CLCN4: variants seen among roughly 807,000 people sequenced by gnomAD.
CLCN4 encodes the protein Cl-/H+ antiporter 4.
CLCN4 carries 1 observed loss-of-function variant against 41.7 expected under a neutral mutation model. The ratio of observed to expected loss-of-function variants is 0.02; its 90% CI spans 0.01 to 0.11. CLCN4 has a LOEUF of 0.11. Ranked by LOEUF, CLCN4 falls within the 10% of genes least tolerant of loss-of-function variation. The pLI is 1.00. For missense variants in CLCN4, 287 were observed against 661.0 expected (o/e 0.43, Z 6.20); for synonymous variants, 277 against 285.8 (o/e 0.97, Z 0.31).
At chrX:10,229,223 C>T (rs941411872) in intron 12 of CLCN4, among the ~76,000 whole-genome samples, 1 of 110,820 alleles carries the variant, frequency 9.0e-6, no homozygotes, top group Non-Finnish European at 1.9e-5. Flanking sequence ...AGTAACAAAG[C>T]CGCCTTTCCT....
At chrX:10,201,602 C>G (rs1210436594) in intron 6 of CLCN4, among the ~76,000 whole-genome samples, 1 of 112,376 alleles carries the variant, frequency 8.9e-6, no homozygotes, top group African/African-American at 3.2e-5. Flanking sequence ...TTCATTCATT[C>G]TAGCAAAGAT....
chrX:10,164,309 G>A (rs929710595), intron 2 of CLCN4, among the ~76,000 whole-genome samples: 1 of 111,478 alleles, frequency 9.0e-6, no homozygotes, highest in Non-Finnish European at 1.9e-5. Flanking sequence ...CAGGGAGATC[G>A]GCGTGTGCAA....
chrX:10,190,630 A>G (rs1347797227), intron 4 of CLCN4, among the ~76,000 whole-genome samples: 1 of 112,063 alleles, frequency 8.9e-6, no homozygotes, highest in East Asian at 2.8e-4. Context: ...CCAGGATTTC[A>G]TGATCTAGAG....
intron 2 of CLCN4, among the ~76,000 whole-genome samples, chrX:10,179,176 A>G (rs1044602235): frequency 6.2e-5 from 7 of 112,351 alleles, no homozygotes; most frequent in Admixed American, 2.8e-4. Flanking sequence ...CCTAAACATT[A>G]TCTGTGGCAG....
chrX:10,169,202 C>T (rs1923321032), intron 2 of CLCN4, among the ~76,000 whole-genome samples: 2 of 111,782 alleles, frequency 1.8e-5, no homozygotes, highest in Admixed American at 9.5e-5. Flanking sequence ...AGTGTATCTA[C>T]ATTTATTTCC....
intron 6 of CLCN4, among the ~76,000 whole-genome samples, 195 bp from the exon 7 acceptor site, chrX:10,206,163 C>T (rs762652689): frequency 2.7e-5 from 3 of 112,098 alleles, no homozygotes; most frequent in Non-Finnish European, 3.8e-5. Context: ...GGACTCCTTA[C>T]GATTTACCAT....
rs34763016 is a variant in CLCN4 at position 10,210,650 on chromosome X, CTTTTTTTTTTTTT to C, written c.1390-1807_1390-1795del. ...CGCCATTGTGCCCTGCCTGAATTGT[CTTTTTTTTTTTTT>C]TTTTTTTTTGGAGACAGGGTCTCAC... On this transcript the variant is annotated intron_variant, in intron 9 of 12. Coordinates refer to ENST00000380833, the MANE Select transcript of CLCN4 (RefSeq NM_001830.4). Among the ~76,000 whole-genome samples the C allele has an allele frequency of 4.0e-5, 3 of 75,085 alleles. No homozygotes were observed. The East Asian group carries it at 1.3e-3, about 33-fold the overall frequency. 65.2% of individuals were successfully genotyped at this position (75,085 alleles called of 115,157 possible). A position where few individuals can be genotyped will look rare whatever the true frequency, so the allele number is the denominator to read the frequency against.
At chrX:10,158,144 GT>G in intron 1 of CLCN4, 144 bp from the exon 2 acceptor site, 1 of 221,717 alleles carries the variant, frequency 4.5e-6, no homozygotes, top group Non-Finnish European at 8.1e-6. Context: ...ATAAATACTA[GT>G]TTTAAAATAA....
At chrX:10,218,432 C>G (rs1225459882) in intron 11 of CLCN4, among the ~76,000 whole-genome samples, 1 of 111,883 alleles carries the variant, frequency 8.9e-6, no homozygotes, top group Non-Finnish European at 1.9e-5. Flanking sequence ...TGGCTCATCC[C>G]CTGGGTGAGG....
rs1449614817 is a variant in CLCN4 at position 10,208,558 on chromosome X, A to G, written c.1357A>G (p.Ile453Val). ...GCTGGCCCTGGCACTGATCTTCAAA[A>G]TCGTCGTTACCATATTTACCTTTGG... ...WQLALALIFK[I>V]VVTIFTFGMK... Residue 453 changes from isoleucine to valine, a missense_variant, in exon 9 of 13, where the codon ATC becomes GTC. By Grantham distance (29) the Ile-to-Val change is conservative. Transcript: ENST00000380833. 1 of 1,209,115 alleles carries G rather than the reference A, an allele frequency of 8.3e-7. No individual in the cohort carries two copies. The highest frequency in any genetic ancestry group is 2.2e-5 in the Admixed American group (1 of 45,977).
chrX:10,223,141 G>A (rs1336482629), intron 12 of CLCN4, among the ~76,000 whole-genome samples: 1 of 111,771 alleles, frequency 8.9e-6, no homozygotes, highest in Non-Finnish European at 1.9e-5. Context: ...TGCAACTGCC[G>A]GTCTGGGGAC....
intron 5 of CLCN4, among the ~76,000 whole-genome samples, chrX:10,197,013 C>T (rs917243975): frequency 6.2e-5 from 7 of 112,011 alleles, no homozygotes; most frequent in African/African-American, 1.3e-4. Flanking sequence ...TCTCCTGGAA[C>T]GTGTTTTTGC....
chrX:10,190,722 A>T (rs1432745031), intron 4 of CLCN4, among the ~76,000 whole-genome samples: 1 of 112,172 alleles, frequency 8.9e-6, no homozygotes, highest in African/African-American at 3.2e-5. Flanking sequence ...TCACCATTCC[A>T]CAAGGTATAT....
chrX:10,177,742 T>C (rs761685791), intron 2 of CLCN4, among the ~76,000 whole-genome samples: 1 of 112,137 alleles, frequency 8.9e-6, no homozygotes, highest in East Asian at 2.8e-4. Flanking sequence ...TTAAACAGAG[T>C]TCCCATCTGA....
intron 2 of CLCN4, among the ~76,000 whole-genome samples, chrX:10,160,963 C>T (rs982348714): frequency 2.7e-5 from 3 of 110,367 alleles, no homozygotes; most frequent in African/African-American, 9.9e-5. Flanking sequence ...AGACAGGAAG[C>T]GGGGGTGGCA....
chrX:10,225,054 C>T (rs1223795345), intron 12 of CLCN4, among the ~76,000 whole-genome samples: 4 of 111,898 alleles, frequency 3.6e-5, no homozygotes, highest in Admixed American at 9.5e-5. Context: ...AGCGAACATA[C>T]GTGTGTATGT....
chrX:10,167,644 T>G (rs1923284770), intron 2 of CLCN4, among the ~76,000 whole-genome samples: 2 of 112,552 alleles, frequency 1.8e-5, no homozygotes, highest in African/African-American at 6.5e-5. Flanking sequence ...CGTGGGGACA[T>G]TCAGGGTATC....
chrX:10,188,542 A>G (rs988773541), intron 4 of CLCN4, among the ~76,000 whole-genome samples: 2 of 112,177 alleles, frequency 1.8e-5, no homozygotes, highest in Non-Finnish European at 3.8e-5. Context: ...TTAATATCAA[A>G]CGCACCAGCC....
chrX:10,224,293 C>CGTGTGTGT (rs772983564), intron 12 of CLCN4, among the ~76,000 whole-genome samples: 4,789 of 87,839 alleles, frequency 0.055, 202 homozygotes, highest in African/African-American at 0.12. Flanking sequence ...GGGAGGGTTC[C>CGTGTGTGT]GTGTGTGTGT....
Sources: allele counts gnomAD v4.1 joint callset (sites outside exome capture counted in the v4.1 genomes callset), GRCh38; gene constraint gnomAD v4.1.1; transcripts MANE v1.5; gene names NCBI Gene and HGNC (gene_info 2026-07-23, HGNC 2026-07-21).